ZNF638: variants seen among roughly 807,000 people sequenced by gnomAD.
ZNF638 encodes the protein zinc finger protein 638, also known as CTCL tumor antigen se33-1.
In ZNF638, 46 loss-of-function variants were observed where a neutral mutation model predicts 195.6. The ratio of observed to expected loss-of-function variants is 0.24; its 90% CI spans 0.19 to 0.30. ZNF638 has a LOEUF of 0.30. Ranked by LOEUF, ZNF638 falls within the 10% of genes least tolerant of loss-of-function variation. ZNF638 has a pLI of 1.00. For synonymous variants in ZNF638, 845 were observed against 772.0 expected, an observed-to-expected ratio of 1.09 and a Z score of -1.57; for missense variants, 2,440 against 2,325.3, an observed-to-expected ratio of 1.05 and a Z score of -1.01.
At chr2:71,417,374 T>C (rs890262330) in intron 20 of ZNF638, among the ~76,000 whole-genome samples, 3 of 151,026 alleles carry the variant, frequency 2.0e-5, no homozygotes, top group African/African-American at 4.9e-5. Context: ...GCGCCCACTG[T>C]CTGGCACTCC....
At chr2:71,400,398 C>A in intron 14 of ZNF638, 80 bp from the exon 15 acceptor site, 1 of 1,359,598 alleles carries the variant, frequency 7.4e-7, no homozygotes, top group South Asian at 1.3e-5. Context: ...TTTCATGTAG[C>A]TACTGTTTAA....
At chr2:71,387,564 A>G (rs1291371782) in intron 10 of ZNF638, among the ~76,000 whole-genome samples, 2 of 151,946 alleles carry the variant, frequency 1.3e-5, no homozygotes, top group Non-Finnish European at 2.9e-5. Context: ...CCAGGTACTC[A>G]GGAGGCTGAG....
At chr2:71,428,475 GTATAA>G in intron 24 of ZNF638, 67 bp from the exon 25 acceptor site, 2 of 1,393,166 alleles carry the variant, frequency 1.4e-6, no homozygotes, top group Non-Finnish European at 9.9e-7. Context: ...GATTCAGACA[GTATAA>G]TATGTTTAAT....
rs184029288 is a variant in ZNF638, at chr2:71,408,010, G to A, written c.3136-112G>A. On this transcript the variant is annotated intron_variant, in intron 19 of 27. Coordinates refer to ENST00000264447, the MANE Select transcript of ZNF638 (RefSeq NM_014497.5). ...GTGTACAAATACATGTTTAAGTATCGGCTTTCATTCCTTTTAGGTGTATAC... is the reference window on the plus strand; with the variant it reads ...GTGTACAAATACATGTTTAAGTATCAGCTTTCATTCCTTTTAGGTGTATAC... The A allele has an allele frequency of 2.5e-4, 236 of 942,134 alleles. No individual in the cohort carries two copies. In the African/African-American group the frequency reaches 3.3e-3, roughly 13 times the overall value. The allele number at this position is 942,134 out of a possible 1,614,324, so 58.4% of individuals were successfully genotyped here.
chr2:71,384,164 A>C (rs2104367631), intron 10 of ZNF638, among the ~76,000 whole-genome samples: 1 of 152,210 alleles, frequency 6.6e-6, no homozygotes, highest in South Asian at 2.1e-4. Context: ...TTCAGCTCTC[A>C]AATTCTTTAT....
chr2:71,388,595 G>C (rs780188193), intron 10 of ZNF638: 2 of 780,542 alleles, frequency 2.6e-6, no homozygotes, highest in South Asian at 1.4e-5. Context: ...CTGTGTCTGC[G>C]TACTTTTTTC....
At chr2:71,348,278 C>A in intron 1 of ZNF638, 1 of 326,612 alleles carries the variant, frequency 3.1e-6, no homozygotes, top group Non-Finnish European at 4.4e-6. Context: ...TATTAGATGT[C>A]AAGGCTGATT....
chr2:71,350,146 C>T lies in ZNF638; in HGVS notation c.1192C>T (p.His398Tyr). ...VKASWLPKFSHADAQKMKRLP... is the reference protein window; with the variant it reads ...VKASWLPKFSYADAQKMKRLP... Reference sequence around the variant, plus strand: ...AGCATCCTGGCTACCAAAGTTTTCACATGCTGATGCCCAGAAGATGAAGAG... The same window carrying T: ...AGCATCCTGGCTACCAAAGTTTTCATATGCTGATGCCCAGAAGATGAAGAG... Residue 398 changes from histidine to tyrosine, a missense_variant, in exon 2 of 28, where the codon CAT (histidine) becomes TAT (tyrosine). Transcript: ENST00000264447. 1 of 1,613,912 alleles carries T rather than the reference C, an allele frequency of 6.2e-7. No homozygotes were observed. The highest frequency in any genetic ancestry group is 1.1e-5 in the South Asian group (1 of 91,084).
At chr2:71,406,076 G>A (rs570915161) in intron 18 of ZNF638, 52 bp from the exon 19 acceptor site, 44 of 1,602,064 alleles carry the variant, frequency 2.7e-5, no homozygotes, top group South Asian at 2.0e-4. Context: ...CTGTTTTACC[G>A]TTTGTTGCTT....
intron 10 of ZNF638, among the ~76,000 whole-genome samples, chr2:71,387,497 C>A (rs946423369): frequency 1.2e-4 from 18 of 151,926 alleles, no homozygotes; most frequent in Admixed American, 5.2e-4. Context: ...ATGGTGAAAT[C>A]CCATCTCTAC....
intron 20 of ZNF638, among the ~76,000 whole-genome samples, chr2:71,409,796 T>C (rs1046624966): frequency 4.6e-5 from 7 of 152,198 alleles, no homozygotes; most frequent in African/African-American, 1.7e-4. Flanking sequence ...GTCATTTGCT[T>C]TGTCGACCAA....
At chr2:71,351,971 T>C (rs2078947997) in intron 2 of ZNF638, among the ~76,000 whole-genome samples, 1 of 152,246 alleles carries the variant, frequency 6.6e-6, no homozygotes, top group South Asian at 2.1e-4. Flanking sequence ...AATTTAATTA[T>C]TTTAACTATT....
Position 71,426,452 on chromosome 2 carries a change from T to C in ZNF638, c.4591-8T>C. ...TTTACAATACTATGATTTTTAACTT[T>C]CCAACAGGAGCCATTATTTCCATTT... On this transcript the variant is annotated splice_region_variant and splice_polypyrimidine_tract_variant and intron_variant, in intron 23 of 27. Transcript: ENST00000264447. 3.9e-6 allele frequency: 6 copies of C among 1,547,606 alleles called. No homozygotes were observed. Among genetic ancestry groups the C allele is most frequent in the Non-Finnish European group, 5.2e-6 (6 of 1,152,724 alleles).
At chr2:71,418,267 C>T (rs2080346176) in intron 20 of ZNF638, 1 of 184,924 alleles carries the variant, frequency 5.4e-6, no homozygotes, top group South Asian at 1.9e-4. Context: ...TAAAATAATT[C>T]CTCAAGGAAG....
At chr2:71,393,325 CGT>C (rs1558865037) in intron 10 of ZNF638, 2 of 680,592 alleles carry the variant, frequency 2.9e-6, no homozygotes, top group Non-Finnish European at 5.5e-6. Flanking sequence ...TAAATAGTAA[CGT>C]ATGGTGTAGT....
chr2:71,378,799 G>A (rs1309140681), intron 8 of ZNF638, among the ~76,000 whole-genome samples: 3 of 152,148 alleles, frequency 2.0e-5, no homozygotes, highest in Non-Finnish European at 4.4e-5. Flanking sequence ...AACAAACCAC[G>A]TCCTGGATTG....
intron 16 of ZNF638, among the ~76,000 whole-genome samples, chr2:71,402,508 T>C (rs2080027667): frequency 6.6e-6 from 1 of 152,158 alleles, no homozygotes; most frequent in Admixed American, 6.5e-5. Context: ...TTTAGGAAGC[T>C]ATATTTATAA....
intron 10 of ZNF638, among the ~76,000 whole-genome samples, chr2:71,390,747 G>A (rs1280876252): frequency 6.6e-6 from 1 of 152,126 alleles, no homozygotes; most frequent in African/African-American, 2.4e-5. Context: ...TCGATTATTA[G>A]TTATCAAAAC....
chr2:71,346,953 G>C (rs1251285615), intron 1 of ZNF638, among the ~76,000 whole-genome samples: 1 of 152,064 alleles, frequency 6.6e-6, no homozygotes, highest in African/African-American at 2.4e-5. Context: ...GAACCCAAGA[G>C]GTGGAGGTTG....
Sources: allele counts gnomAD v4.1 joint callset (sites outside exome capture counted in the v4.1 genomes callset), GRCh38; gene constraint gnomAD v4.1.1; transcripts MANE v1.5; gene names NCBI Gene and HGNC (gene_info 2026-07-23, HGNC 2026-07-21).